Variants in USP34 observed in about 807,000 individuals in gnomAD.
The protein encoded by USP34 is ubiquitin carboxyl-terminal hydrolase 34.
USP34 carries 70 observed loss-of-function variants against 460.3 expected under a neutral mutation model. That is an observed-to-expected ratio of 0.15 (90% confidence interval 0.13 to 0.19). USP34 has a LOEUF of 0.19. Among genes scored for constraint, USP34 ranks in the 10% least tolerant of loss-of-function variants. The pLI is 1.00. For synonymous variants in USP34, 1,647 were observed against 1,405.3 expected, an observed-to-expected ratio of 1.17 and a Z score of -3.85; for missense variants, 3,985 against 4,236.2, an observed-to-expected ratio of 0.94 and a Z score of 1.65.
Position 61,190,402 on chromosome 2 carries a change from C to G in USP34, c.9742G>C (p.Val3248Leu). ...TTGGCACAGTTTGCTTCAGAAAACA[C>G]TTGACTTTGAACCTGAAAAAGAAGA... ...THFLLKVQSQ[V>L]FSEANCANLI... Residue 3248 changes from valine to leucine, a missense_variant, in exon 78 of 80, where the codon GTG (valine) becomes CTG (leucine). Val to Leu is a conservative substitution (Grantham distance 32, BLOSUM62 1). Coordinates refer to ENST00000398571, the MANE Select transcript of USP34 (RefSeq NM_014709.4). 3 of 1,607,158 alleles carry G rather than the reference C, an allele frequency of 1.9e-6. No individual in the cohort carries two copies. The highest frequency in any genetic ancestry group is 2.5e-6 in the Non-Finnish European group (3 of 1,178,010).
At chr2:61,266,843 C>T (rs1003378903) in intron 41 of USP34, among the ~76,000 whole-genome samples, 2 of 152,174 alleles carry the variant, frequency 1.3e-5, no homozygotes, top group African/African-American at 4.8e-5. Flanking sequence ...AGTCTGCAAA[C>T]GTCACTGGTA....
chr2:61,467,039 C>T (rs1695784519), intron 1 of USP34, among the ~76,000 whole-genome samples: 1 of 152,076 alleles, frequency 6.6e-6, no homozygotes, highest in Non-Finnish European at 1.5e-5. Context: ...GGCGCGGTGG[C>T]TCACGCCTGT....
intron 29 of USP34, among the ~76,000 whole-genome samples, chr2:61,297,488 A>C (rs1690063466): frequency 6.6e-6 from 1 of 152,236 alleles, no homozygotes; most frequent in Non-Finnish European, 1.5e-5. Flanking sequence ...AGAGTAAGCT[A>C]AACAACGTTT....
chr2:61,242,215 A>C (rs1013543942), intron 51 of USP34, among the ~76,000 whole-genome samples: 5 of 152,188 alleles, frequency 3.3e-5, no homozygotes, highest in African/African-American at 1.2e-4. Context: ...TAAATGAGGA[A>C]AGCATATTAT....
chr2:61,327,867 C>G (rs574585739), intron 20 of USP34, among the ~76,000 whole-genome samples: 10 of 152,266 alleles, frequency 6.6e-5, no homozygotes, highest in African/African-American at 1.2e-4. Flanking sequence ...ACAGGAAATA[C>G]AGGACAAAAA....
chr2:61,365,944 C>CTATTTATTTATT (rs70963417), intron 10 of USP34, among the ~76,000 whole-genome samples: 47,201 of 150,070 alleles, frequency 0.31, 7,541 homozygotes, highest in South Asian at 0.36. Context: ...CTGGGAACAC[C>CTATTTATTTATT]TATTTATTTA....
chr2:61,259,758 G>A lies in USP34; in HGVS notation c.5797C>T (p.His1933Tyr). 1 of 1,613,040 alleles carries A rather than the reference G, an allele frequency of 6.2e-7. No individual in the cohort carries two copies. The highest frequency in any genetic ancestry group is 8.5e-7 in the Non-Finnish European group (1 of 1,179,838). The change falls in exon 44 of 80, where the codon CAC (histidine) becomes TAC (tyrosine). Residue 1933 changes from histidine (H) to tyrosine (Y), a missense_variant. Transcript: ENST00000398571. Reference protein sequence around the residue: ...FTAKYSEDMKHKTTLLELQKM... With the variant: ...FTAKYSEDMKYKTTLLELQKM... ...TGAAGCTCCAGAAGAGTGGTCTTGT[G>A]CTTCATATCCTCTGAATACTGAAAA...
At chr2:61,454,567 T>C (rs1695376983) in intron 1 of USP34, among the ~76,000 whole-genome samples, 1 of 151,914 alleles carries the variant, frequency 6.6e-6, no homozygotes, top group Non-Finnish European at 1.5e-5. Flanking sequence ...GTTCTTGTTT[T>C]GAGATGGAGT....
rs780706947 is a variant in USP34, at chr2:61,348,848, C to T, written c.1582G>A (p.Asp528Asn). ...AASPQSSDNS[D>N]THQSGGSDIE... ...TCACTACCTCCACTTTGATGTGTATCGCTATTATCACTGCTTTGAGGACTA... is the reference window on the plus strand; with the variant it reads ...TCACTACCTCCACTTTGATGTGTATTGCTATTATCACTGCTTTGAGGACTA... Residue 528 changes from aspartate to asparagine, a missense_variant, in exon 14 of 80, where the codon GAT becomes AAT. Asp to Asn is a conservative substitution (Grantham distance 23, BLOSUM62 1). Coordinates refer to ENST00000398571, the MANE Select transcript of USP34 (RefSeq NM_014709.4). The T allele has an allele frequency of 1.1e-5, 17 of 1,613,536 alleles. No individual in the cohort carries two copies. Among genetic ancestry groups the T allele is most frequent in the East Asian group, 4.5e-5 (2 of 44,848 alleles).
At chr2:61,312,510 TAA>T (rs35145394) in intron 25 of USP34, among the ~76,000 whole-genome samples, 58 of 135,190 alleles carry the variant, frequency 4.3e-4, no homozygotes, top group Admixed American at 5.1e-4. Context: ...TACCTGAGTT[TAA>T]AAAAAAAAAA....
At chr2:61,339,818 T>C in intron 16 of USP34, 137 bp from the exon 17 acceptor site, 1 of 427,214 alleles carries the variant, frequency 2.3e-6, no homozygotes, top group Admixed American at 4.8e-5. Context: ...ATTAGCACAA[T>C]ATTTTGTTTT....
At chr2:61,350,779 A>G (rs1341093285) in intron 10 of USP34, 86 bp from the exon 11 acceptor site, 2 of 1,428,406 alleles carry the variant, frequency 1.4e-6, no homozygotes, top group Admixed American at 2.5e-5. Context: ...TGAAAGTCAA[A>G]AAGTTGGCCA....
intron 3 of USP34, among the ~76,000 whole-genome samples, chr2:61,398,781 C>G (rs1693621552): frequency 6.6e-6 from 1 of 152,082 alleles, no homozygotes; most frequent in Non-Finnish European, 1.5e-5. Context: ...GGATTGAAAG[C>G]AATCATACAG....
intron 1 of USP34, among the ~76,000 whole-genome samples, chr2:61,454,858 G>GT (rs1411733369): frequency 5.9e-5 from 6 of 102,072 alleles, no homozygotes; most frequent in African/African-American, 7.8e-5. Context: ...AATATAGTGG[G>GT]GTTTTTTTTT....
At chr2:61,195,524 T>C (rs1470746411) in intron 75 of USP34, among the ~76,000 whole-genome samples, 1 of 151,428 alleles carries the variant, frequency 6.6e-6, no homozygotes, top group Non-Finnish European at 1.5e-5. Flanking sequence ...ATACAAAAAT[T>C]AGCCAGGCGT....
intron 25 of USP34, among the ~76,000 whole-genome samples, chr2:61,312,119 T>G (rs1011080910): frequency 2.0e-5 from 3 of 150,398 alleles, no homozygotes; most frequent in African/African-American, 4.9e-5. Context: ...CCTAACAAAA[T>G]AGTCACCACG....
intron 10 of USP34, among the ~76,000 whole-genome samples, chr2:61,361,151 A>G (rs1339558784): frequency 6.6e-6 from 1 of 152,184 alleles, no homozygotes; most frequent in Admixed American, 6.5e-5. Flanking sequence ...TGGCTCACAC[A>G]TGTAATCTCA....
At chr2:61,252,933 A>C (rs998236468) in intron 48 of USP34, among the ~76,000 whole-genome samples, 4 of 152,260 alleles carry the variant, frequency 2.6e-5, no homozygotes, top group Non-Finnish European at 5.9e-5. Context: ...TACCTTCTGG[A>C]AAAACCCAAT....
At chr2:61,442,520 C>A (rs1694994857) in intron 1 of USP34, among the ~76,000 whole-genome samples, 1 of 151,786 alleles carries the variant, frequency 6.6e-6, no homozygotes. Context: ...TGTTCAACAT[C>A]ACTAACCATC....
Sources: gnomAD v4.1 joint callset for allele counts (sites outside exome capture counted in the v4.1 genomes callset) on GRCh38, gnomAD v4.1.1 for gene constraint, MANE v1.5 for transcripts, NCBI Gene and HGNC (gene_info 2026-07-23, HGNC 2026-07-21) for gene names.